Variants in ESPNL observed in about 807,000 individuals in gnomAD.
The protein encoded by ESPNL is espin like.
A neutral mutation model predicts 46.8 loss-of-function variants in ESPNL; 49 were observed. The ratio of observed to expected loss-of-function variants is 1.05; its 90% confidence interval spans 0.83 to 1.33. ESPNL has a LOEUF of 1.33. ESPNL is among the 40% of genes most tolerant of loss of function. The pLI is 0.00. For missense variants in ESPNL, 1,540 were observed against 1,436.6 expected (o/e 1.07, Z -1.16); for synonymous variants, 664 against 662.1 (o/e 1.00, Z -0.04).
Position 238,101,980 on chromosome 2 carries a change from G to A in ESPNL, c.334G>A (p.Ala112Thr), listed in dbSNP as rs769412092. 17 of 1,610,104 alleles carry A rather than the reference G, an allele frequency of 1.1e-5. No homozygotes were observed. Among genetic ancestry groups the A allele is most frequent in the South Asian group, 4.4e-5 (4 of 90,854 alleles). Residue 112 changes from alanine (A) to threonine (T), a missense_variant, in exon 2 of 9, where the codon GCC becomes ACC. Ala to Thr is a moderately conservative substitution (Grantham distance 58, BLOSUM62 0). Coordinates refer to ENST00000343063, the MANE Select transcript of ESPNL (RefSeq NM_194312.4). ...GGGCGTCTCCCCGCTGCACCTGGCC[G>A]CCCGTTTTGGACACCCAGTGCTGGT... The part of the protein sequence containing the change: ...ASGVSPLHLA[A>T]RFGHPVLVEW...
rs765729643 is a variant in ESPNL, at chr2:238,104,817, G to A, written c.647G>A (p.Gly216Asp). 4.5e-6 allele frequency: 7 copies of A among 1,546,812 alleles called. No individual in the cohort carries two copies. The South Asian group carries it at 7.1e-5, about 16-fold the overall frequency. The stretch of plus-strand genomic sequence containing the variant: ...GCCCTGCACGCTGCCGCCGCCCGTG[G>A]CCACTACTCCCTCGTCGTCTGGCTG... ...MSALHAAAAR[G>D]HYSLVVWLVT... Residue 216 changes from glycine (G) to aspartate (D), a missense_variant, in exon 3 of 9, where the codon GGC becomes GAC. By Grantham distance (94) the Gly-to-Asp change is moderately conservative. Transcript: ENST00000343063.
intron 4 of ESPNL, among the ~76,000 whole-genome samples, chr2:238,109,676 A>G (rs745813106): frequency 3.5e-4 from 53 of 152,228 alleles, no homozygotes; most frequent in Non-Finnish European, 1.5e-4. Context: ...ATTCTTGACA[A>G]CTTATGTTAG....
At chr2:238,108,436 A>G (rs892048052) in intron 4 of ESPNL, among the ~76,000 whole-genome samples, 2 of 152,204 alleles carry the variant, frequency 1.3e-5, no homozygotes, top group African/African-American at 4.8e-5. Context: ...AATGTTCAAC[A>G]ACATCAGAAC....
Position 238,125,370 on chromosome 2 carries a change from C to A in ESPNL, c.1088C>A (p.Pro363Gln). ...LEDGRRGGPG[P>Q]GNPSPMSLSP... ...GATGGAAGAAGAGGAGGCCCAGGGC[C>A]AGGGAACCCCAGCCGTGAGTGCACA... Residue 363 changes from proline (P) to glutamine (Q), a missense_variant, in exon 6 of 9, where the codon CCA becomes CAA. By Grantham distance (76) the Pro-to-Gln change is moderately conservative. Coordinates refer to ENST00000343063, the MANE Select transcript of ESPNL (RefSeq NM_194312.4). The A allele has an allele frequency of 6.4e-7, 1 of 1,555,314 alleles. No homozygotes were observed. The highest frequency in any genetic ancestry group is 8.7e-7 in the Non-Finnish European group (1 of 1,150,616).
intron 4 of ESPNL, among the ~76,000 whole-genome samples, chr2:238,108,381 A>G (rs888098126): frequency 6.6e-6 from 1 of 150,950 alleles, no homozygotes; most frequent in Non-Finnish European, 1.5e-5. Context: ...CCCAGCCTCA[A>G]GGACACGACA....
intron 3 of ESPNL, among the ~76,000 whole-genome samples, chr2:238,105,880 T>C (rs1220845596): frequency 3.3e-5 from 5 of 152,068 alleles, no homozygotes; most frequent in Non-Finnish European, 7.4e-5. Flanking sequence ...TCCTGTCTCC[T>C]GGCTCCCACC....
In ESPNL at chr2:238,106,073, C is replaced by T. The variant is rs529932523; in HGVS notation, c.672+1231C>T. On this transcript the variant is annotated intron_variant, in intron 3 of 8. Coordinates refer to ENST00000343063, the MANE Select transcript of ESPNL (RefSeq NM_194312.4). ...TCACTCCTGCTTTCCTCCCCACCGG[C>T]GCACCAGCACCAGGCACACGGCGTG... 1.4e-4 allele frequency among the ~76,000 whole-genome samples: 22 copies of T among 152,326 alleles called. 1 individual carries two copies. In the East Asian group the frequency reaches 3.1e-3, roughly 21 times the overall value.
At position 238,128,743 on chromosome 2, in the gene ESPNL, G is replaced by T. The variant is rs537950895; in HGVS notation, c.1252G>T (p.Gly418Cys). The change falls in exon 8 of 9, where the codon GGC becomes TGC. Residue 418 changes from glycine to cysteine, a missense_variant. Gly to Cys is a radical substitution (Grantham distance 159). Transcript: ENST00000343063. ...ETALAGDTSDGLAALQLDGLP... is the reference protein window; with the variant it reads ...ETALAGDTSDCLAALQLDGLP... ...GGCGCTGGCGGGGGACACCTCAGAT[G>T]GCCTGGCCGCACTACAGCTGGATGG... 343 of 1,601,712 alleles carry T rather than the reference G, an allele frequency of 2.1e-4. 1 individual carries two copies. In the East Asian group the frequency reaches 7.5e-3, roughly 35 times the overall value.
At chr2:238,105,713 G>C in intron 3 of ESPNL, among the ~76,000 whole-genome samples, 1 of 152,112 alleles carries the variant, frequency 6.6e-6, no homozygotes, top group Non-Finnish European at 1.5e-5. Flanking sequence ...CAGAGGCGCT[G>C]GGAGGACCGG....
Position 238,131,405 on chromosome 2 carries a change from G to A in ESPNL, c.2691G>A (p.Val897=). 1.2e-6 allele frequency: 2 copies of A among 1,607,554 alleles called. No homozygotes were observed. Among genetic ancestry groups the A allele is most frequent in the African/African-American group, 1.3e-5 (1 of 74,998 alleles). ...EHLGTHGWEA[V]RAFHKAVTDE... ...TGGGCACCCACGGCTGGGAGGCTGT[G>A]CGCGCCTTCCACAAGGCCGTGACCG... The change falls in exon 9 of 9, where the codon GTG becomes GTA. Residue 897 remains valine (V), a synonymous_variant. Coordinates refer to ENST00000343063, the MANE Select transcript of ESPNL (RefSeq NM_194312.4).
chr2:238,108,113 C>G, intron 4 of ESPNL, 140 bp downstream of exon 4: 7 of 806,400 alleles, frequency 8.7e-6, no homozygotes, highest in Non-Finnish European at 1.1e-5. Flanking sequence ...CTAAGTGGCA[C>G]TGTCACTTGC....
intron 7 of ESPNL, among the ~76,000 whole-genome samples, chr2:238,128,408 C>T (rs1010299790): frequency 6.6e-6 from 1 of 152,224 alleles, no homozygotes; most frequent in Non-Finnish European, 1.5e-5. Flanking sequence ...CGGTGCGCTC[C>T]GCGAGCATCT....
chr2:238,117,173 A>G, intron 5 of ESPNL, 139 bp downstream of exon 5: 1 of 1,226,206 alleles, frequency 8.2e-7, no homozygotes. Flanking sequence ...TGGAGCCAGG[A>G]GCAAGGGCCT....
chr2:238,108,402 C>G (rs569923841), intron 4 of ESPNL, among the ~76,000 whole-genome samples: 7 of 148,522 alleles, frequency 4.7e-5, no homozygotes, highest in African/African-American at 1.7e-4. Context: ...TCCAAAAACC[C>G]CACGTAGGCA....
At chr2:238,123,475 G>A (rs1031588764) in intron 5 of ESPNL, among the ~76,000 whole-genome samples, 1 of 152,110 alleles carries the variant, frequency 6.6e-6, no homozygotes, top group Non-Finnish European at 1.5e-5. Flanking sequence ...CCTCTGGGTG[G>A]TCTCTCTTCT....
intron 8 of ESPNL, among the ~76,000 whole-genome samples, chr2:238,129,746 C>G (rs936550891): frequency 4.6e-5 from 7 of 152,252 alleles, no homozygotes; most frequent in African/African-American, 1.7e-4. Flanking sequence ...AAATTCATTA[C>G]AATTTAAGGA....
rs956589592 is a variant in ESPNL at position 238,101,937 on chromosome 2, G to T, written c.295-4G>T. ...CACTCACTGACCTACCCGGGGCTTG[G>T]TAGGACCAAGATGCCTCGGGCGTCT... On this transcript the variant is annotated splice_polypyrimidine_tract_variant and splice_region_variant and intron_variant, in intron 1 of 8. Transcript: ENST00000343063. 2 of 1,605,604 alleles carry T rather than the reference G, an allele frequency of 1.2e-6. No individual in the cohort carries two copies. Among genetic ancestry groups the T allele is most frequent in the East Asian group, 4.5e-5 (2 of 44,680 alleles).
rs1692285495 is a variant in ESPNL, at chr2:238,130,511, G to A, written c.1797G>A (p.Leu599=). 1.1e-5 allele frequency: 17 copies of A among 1,598,176 alleles called. No individual in the cohort carries two copies. Among genetic ancestry groups the A allele is most frequent in the Non-Finnish European group, 1.5e-5 (17 of 1,172,402 alleles). ...LPFWCSHISR[L]VRSLSLLLKG... ...TCTGGTGCAGCCACATCTCCCGCCT[G>A]GTACGCAGCCTGTCCCTGCTGCTGA... Residue 599 remains leucine (L), a synonymous_variant, in exon 9 of 9, where the codon CTG becomes CTA. Coordinates refer to ENST00000343063, the MANE Select transcript of ESPNL (RefSeq NM_194312.4).
intron 7 of ESPNL, among the ~76,000 whole-genome samples, chr2:238,128,129 C>CAAA (rs1433184343): frequency 1.3e-5 from 2 of 152,156 alleles, no homozygotes; most frequent in African/African-American, 2.4e-5. Flanking sequence ...CCCAGACCAG[C>CAAA]AGAAGGGTCC....
Sources: gnomAD v4.1 joint callset for allele counts (sites outside exome capture counted in the v4.1 genomes callset) on GRCh38, gnomAD v4.1.1 for gene constraint, MANE v1.5 for transcripts, NCBI Gene and HGNC (gene_info 2026-07-23, HGNC 2026-07-21) for gene names.